PALLD: variants seen among roughly 807,000 people sequenced by gnomAD.
PALLD encodes the protein palladin.
PALLD carries 61 observed loss-of-function variants against 123.5 expected under a neutral mutation model. The ratio of observed to expected loss-of-function variants is 0.49; its 90% CI spans 0.40 to 0.61. The LOEUF (loss-of-function observed/expected upper bound fraction) is 0.61. Ranked by LOEUF, PALLD falls within the 20% of genes least tolerant of loss-of-function variation. The pLI is 0.00. For missense variants in PALLD, 1,273 were observed against 1,377.0 expected, an observed-to-expected ratio of 0.92 and a Z score of 1.20; for synonymous variants, 465 against 496.4, an observed-to-expected ratio of 0.94 and a Z score of 0.84.
At chr4:168,764,371 G>T (rs1365852631) in intron 10 of PALLD, among the ~76,000 whole-genome samples, 3 of 151,808 alleles carry the variant, frequency 2.0e-5, no homozygotes, top group Non-Finnish European at 4.4e-5. Flanking sequence ...TCACCTCTAG[G>T]CTGGAAAACT....
intron 2 of PALLD, among the ~76,000 whole-genome samples, chr4:168,626,098 C>T (rs1025995929): frequency 6.8e-6 from 1 of 147,530 alleles, no homozygotes; most frequent in Non-Finnish European, 1.5e-5. Flanking sequence ...CTCGTCTCTA[C>T]TAAAAATACA....
chr4:168,557,344 T>A (rs1767425857), intron 2 of PALLD, among the ~76,000 whole-genome samples: 1 of 152,122 alleles, frequency 6.6e-6, no homozygotes, highest in Non-Finnish European at 1.5e-5. Flanking sequence ...ACTCCCGGCC[T>A]CCACTTGTTC....
chr4:168,611,343 C>T (rs2149765934), intron 2 of PALLD, among the ~76,000 whole-genome samples: 1 of 152,262 alleles, frequency 6.6e-6, no homozygotes, highest in Non-Finnish European at 1.5e-5. Context: ...AAACTCCTTG[C>T]TATAAATCAC....
intron 10 of PALLD, among the ~76,000 whole-genome samples, chr4:168,849,095 A>G (rs1057509923): frequency 2.6e-5 from 4 of 152,344 alleles, no homozygotes; most frequent in Non-Finnish European, 2.9e-5. Context: ...CGGAACATAA[A>G]TTAGTCTTAG....
intron 10 of PALLD, among the ~76,000 whole-genome samples, chr4:168,804,257 A>G (rs532118048): frequency 6.6e-5 from 10 of 152,346 alleles, no homozygotes; most frequent in Admixed American, 2.6e-4. Context: ...TTCACAACTC[A>G]TTAGTGAGGC....
At chr4:168,700,297 A>T (rs1421660004) in intron 8 of PALLD, 1 of 154,228 alleles carries the variant, frequency 6.5e-6, no homozygotes, top group African/African-American at 2.4e-5. Flanking sequence ...ATTTCAATGC[A>T]TGAGGATCAC....
In PALLD at chr4:168,590,092, C is replaced by G. The variant is rs371782829; in HGVS notation, c.908+77680C>G. Reference sequence around the variant, plus strand: ...GTGGCTCACGCCTGTAATCCCAGTACTTTGGGAGGCCAAGGCGGGGGGATC... The same window carrying G: ...GTGGCTCACGCCTGTAATCCCAGTAGTTTGGGAGGCCAAGGCGGGGGGATC... On this transcript the variant is annotated intron_variant, in intron 2 of 21. Transcript: ENST00000505667. 8.5e-5 allele frequency among the ~76,000 whole-genome samples: 13 copies of G among 152,354 alleles called. 1 individual carries two copies. The South Asian group carries it at 1.4e-3, about 17-fold the overall frequency.
chr4:168,499,269 A>AGGAAGGGAGGGG (rs1761100634), intron 1 of PALLD, among the ~76,000 whole-genome samples: 2 of 31,406 alleles, frequency 6.4e-5, no homozygotes, highest in South Asian at 1.3e-3. Flanking sequence ...GAAGGGAGGG[A>AGGAAGGGAGGGG]GGATGGGAGG....
intron 2 of PALLD, among the ~76,000 whole-genome samples, chr4:168,645,858 G>A (rs559721108): frequency 1.3e-4 from 20 of 152,200 alleles, no homozygotes; most frequent in Non-Finnish European, 2.2e-4. Context: ...CATTAGCACC[G>A]TTCTCTAACC....
chr4:168,756,703 G>C (rs1205524789), intron 10 of PALLD, among the ~76,000 whole-genome samples: 1 of 152,152 alleles, frequency 6.6e-6, no homozygotes, highest in African/African-American at 2.4e-5. Context: ...TTTGAGGTGT[G>C]TTTATACATT....
At chr4:168,600,045 A>G (rs74416551) in intron 2 of PALLD, among the ~76,000 whole-genome samples, 11,577 of 137,080 alleles carry the variant, frequency 0.084, 489 homozygotes, top group Admixed American at 0.11. Context: ...ATACATGTGT[A>G]TACACACATA....
intron 2 of PALLD, among the ~76,000 whole-genome samples, chr4:168,612,789 C>T (rs1162867708): frequency 6.6e-6 from 1 of 152,138 alleles, no homozygotes; most frequent in African/African-American, 2.4e-5. Context: ...AGCTAAACTT[C>T]CTGAAAATCT....
At chr4:168,719,023 T>A (rs976148967) in intron 10 of PALLD, among the ~76,000 whole-genome samples, 1 of 151,244 alleles carries the variant, frequency 6.6e-6, no homozygotes, top group African/African-American at 2.4e-5. Flanking sequence ...TTCTCCTGCC[T>A]CAGCCTCCTG....
At chr4:168,921,777 A>C in intron 18 of PALLD, 36 bp downstream of exon 18, 1 of 1,472,102 alleles carries the variant, frequency 6.8e-7, no homozygotes, top group Non-Finnish European at 9.5e-7. Flanking sequence ...CTCTGACAGA[A>C]TGAACATCAG....
At chr4:168,759,179 CAAAAAAAAAAAAAAAAA>C (rs1175955888) in intron 10 of PALLD, among the ~76,000 whole-genome samples, 3 of 9,048 alleles carry the variant, frequency 3.3e-4, no homozygotes, top group Admixed American at 3.1e-3. Flanking sequence ...GACTCCATCT[CAAAAAAAAAAAAAAAAA>C]AAAAAAATAT....
At chr4:168,812,460 CAAG>C (rs1451499527) in intron 10 of PALLD, among the ~76,000 whole-genome samples, 1 of 152,178 alleles carries the variant, frequency 6.6e-6, no homozygotes, top group Non-Finnish European at 1.5e-5. Context: ...CCTGGAGAGA[CAAG>C]GAGCACAGCA....
Position 168,815,270 on chromosome 4 carries a change from A to G in PALLD, c.1965-75652A>G, listed in dbSNP as rs1014364524. On this transcript the variant is annotated intron_variant, in intron 10 of 21. Coordinates refer to ENST00000505667, the MANE Select transcript of PALLD (RefSeq NM_001166108.2). ...AGCAGAATTGCTTGGTGCTCCTGTA[A>G]TAGAATGAAGTGTAATAGTGTGCAA... Among the ~76,000 whole-genome samples the G allele has an allele frequency of 2.0e-5, 3 of 152,246 alleles. No individual in the cohort carries two copies. The South Asian group carries it at 6.2e-4, about 31-fold the overall frequency.
At chr4:168,813,456 T>C (rs1176444752) in intron 10 of PALLD, among the ~76,000 whole-genome samples, 4 of 152,032 alleles carry the variant, frequency 2.6e-5, no homozygotes, top group African/African-American at 9.7e-5. Context: ...ATTGATTGGT[T>C]GATTGGTTGG....
In PALLD at chr4:168,878,128, C is replaced by T; in HGVS notation, c.1965-12794C>T. 1.3e-6 allele frequency: 2 copies of T among 1,481,998 alleles called. No individual in the cohort carries two copies. Among genetic ancestry groups the T allele is most frequent in the East Asian group, 2.8e-5 (1 of 35,272 alleles). 91.8% of individuals were successfully genotyped at this position (1,481,998 alleles called of 1,614,324 possible). A position where few individuals can be genotyped will look rare whatever the true frequency, so the allele number is the denominator to read the frequency against. On this transcript the variant is annotated intron_variant, in intron 10 of 21. Coordinates refer to ENST00000505667, the MANE Select transcript of PALLD (RefSeq NM_001166108.2). Reference sequence around the variant, plus strand: ...AGCCCTTCGGCGCTGAGCCCGAGGCCCCGTGGGGCTCCTCCTCGCCGTCGC... The same window carrying T: ...AGCCCTTCGGCGCTGAGCCCGAGGCTCCGTGGGGCTCCTCCTCGCCGTCGC...
Sources: allele counts gnomAD v4.1 joint callset (sites outside exome capture counted in the v4.1 genomes callset), GRCh38; gene constraint gnomAD v4.1.1; transcripts MANE v1.5; gene names NCBI Gene and HGNC (gene_info 2026-07-23, HGNC 2026-07-21).